Variants in CELF1 observed in about 807,000 individuals in gnomAD.
CELF1 encodes the protein 50 kDa nuclear polyadenylated RNA-binding protein.
CELF1 carries 10 observed loss-of-function variants against 61.8 expected under a neutral mutation model. The observed-to-expected ratio is 0.16, with a 90% CI of 0.10 to 0.27. CELF1 has a LOEUF of 0.27. CELF1 is among the 10% of genes least tolerant of loss of function. The probability of loss-of-function intolerance (pLI) is 1.00; values close to 1 mark genes in which losing one functional copy is unlikely to be tolerated. For missense variants in CELF1, 380 were observed against 639.1 expected, an observed-to-expected ratio of 0.59 and a Z score of 4.37; for synonymous variants, 236 against 225.1, an observed-to-expected ratio of 1.05 and a Z score of -0.43.
At chr11:47,542,496 AT>A (rs112443041) in intron 1 of CELF1, among the ~76,000 whole-genome samples, 8,230 of 121,788 alleles carry the variant, frequency 0.068, 378 homozygotes, top group African/African-American at 0.17. Flanking sequence ...TACTTTCTCC[AT>A]TTTTTTTTTT....
At chr11:47,474,818 T>TA (rs2079268279) in intron 13 of CELF1, among the ~76,000 whole-genome samples, 1 of 152,222 alleles carries the variant, frequency 6.6e-6, no homozygotes, top group South Asian at 2.1e-4. Context: ...ATTTTTCTCC[T>TA]AAATTGAATA....
chr11:47,500,818 T>G (rs2093803686), intron 2 of CELF1, 43 bp downstream of exon 2: 1 of 398,260 alleles, frequency 2.5e-6, no homozygotes, highest in Non-Finnish European at 4.4e-6. Flanking sequence ...GCTCCCAAAT[T>G]TCACAGGCTT....
chr11:47,492,709 G>A (rs967939399), intron 3 of CELF1, among the ~76,000 whole-genome samples: 3 of 151,900 alleles, frequency 2.0e-5, no homozygotes, highest in African/African-American at 7.3e-5. Flanking sequence ...TCCAGCCTGG[G>A]TGGCAGAGTG....
chr11:47,489,594 C>T (rs1454748203), intron 3 of CELF1, among the ~76,000 whole-genome samples: 1 of 152,102 alleles, frequency 6.6e-6, no homozygotes, highest in Non-Finnish European at 1.5e-5. Flanking sequence ...AGTTAGGTCT[C>T]CAGACCAAAA....
At chr11:47,477,493 A>C in intron 10 of CELF1, 68 bp from the exon 11 acceptor site, 1 of 1,546,680 alleles carries the variant, frequency 6.5e-7, no homozygotes, top group Non-Finnish European at 8.9e-7. Context: ...AGCAATGACA[A>C]GCACACACTG....
At position 47,484,374 on chromosome 11, in the gene CELF1, G is replaced by A. The variant is rs1178975326; in HGVS notation, c.526+15C>T. 1.2e-5 allele frequency: 19 copies of A among 1,597,444 alleles called. No homozygotes were observed. The highest frequency in any genetic ancestry group is 1.5e-5 in the Non-Finnish European group (18 of 1,175,278). Reference sequence around the variant, plus strand: ...CAAAAAACCAAAAGATTATTTAAAAGCTAAAACTACCTACCTCGGCTCAGG... The same window carrying A: ...CAAAAAACCAAAAGATTATTTAAAAACTAAAACTACCTACCTCGGCTCAGG... On this transcript the variant is annotated intron_variant, in intron 7 of 14. Transcript: ENST00000687097.
At chr11:47,490,905 G>A (rs1417272509) in intron 3 of CELF1, among the ~76,000 whole-genome samples, 5 of 145,114 alleles carry the variant, frequency 3.4e-5, no homozygotes, top group Admixed American at 6.9e-5. Context: ...TCTGTCGCCC[G>A]GGCTGGAGTG....
chr11:47,498,982 G>A (rs1263043482), intron 3 of CELF1, among the ~76,000 whole-genome samples: 2 of 152,150 alleles, frequency 1.3e-5, no homozygotes, highest in East Asian at 3.8e-4. Flanking sequence ...TGTTAATACA[G>A]AATGTTGTAG....
chr11:47,493,305 A>G (rs1302559340), intron 3 of CELF1, among the ~76,000 whole-genome samples: 2 of 149,914 alleles, frequency 1.3e-5, no homozygotes, highest in Non-Finnish European at 3.0e-5. Flanking sequence ...GTTTGAGACC[A>G]GCCTGAACAA....
chr11:47,478,135 A>G (rs1157729747), intron 10 of CELF1, among the ~76,000 whole-genome samples: 3 of 152,252 alleles, frequency 2.0e-5, no homozygotes, highest in Non-Finnish European at 4.4e-5. Flanking sequence ...AATACAGATT[A>G]CAATCTAGCA....
At chr11:47,486,178 C>T (rs1231753441) in intron 6 of CELF1, among the ~76,000 whole-genome samples, 4 of 145,528 alleles carry the variant, frequency 2.7e-5, no homozygotes, top group Admixed American at 1.4e-4. Context: ...AAAAAAAATT[C>T]GAGAATTAAG....
chr11:47,467,104 G>A lies in CELF1; in HGVS notation c.*5126C>T. On this transcript the variant is annotated 3_prime_UTR_variant, in exon 15 of 15. Transcript: ENST00000687097. ...TAGCGCTTCCACCTCCCCCTCCCCA[G>A]CCCCTAGCTACATCTCTCCACCCTT... 1 of 152,108 alleles carries A rather than the reference G, an allele frequency of 6.6e-6. No individual in the cohort carries two copies. The highest frequency in any genetic ancestry group is 1.5e-5 in the Non-Finnish European group (1 of 68,074). 9.4% of individuals were successfully genotyped at this position (152,108 alleles called of 1,614,324 possible).
rs2077581741 is a variant in CELF1 at position 47,471,023 on chromosome 11, T to C, written c.*1207A>G. The C allele has an allele frequency of 6.6e-6, 1 of 151,990 alleles. No homozygotes were observed. The highest frequency in any genetic ancestry group is 1.5e-5 in the Non-Finnish European group (1 of 68,012). The allele number at this position is 151,990 out of a possible 1,614,324, so 9.4% of individuals were successfully genotyped here. A position where few individuals can be genotyped will look rare whatever the true frequency, so the allele number is the denominator to read the frequency against. Reference sequence around the variant, plus strand: ...TCACCTCTGCCTCAAGAGCAGAAAATGTGACTGGAGTGGTTACAGGAGGGG... The same window carrying C: ...TCACCTCTGCCTCAAGAGCAGAAAACGTGACTGGAGTGGTTACAGGAGGGG... On this transcript the variant is annotated 3_prime_UTR_variant, in exon 15 of 15. Transcript: ENST00000687097.
chr11:47,565,354 TCA>T (rs1461125112), exon 1 of CELF1: 3 of 241,070 alleles, frequency 1.2e-5, no homozygotes, highest in Non-Finnish European at 2.4e-5. Context: ...GCTACAGGGC[TCA>T]CACGTGTCTG....
chr11:47,526,951 T>C (rs572334997), intron 1 of CELF1, among the ~76,000 whole-genome samples: 3 of 151,666 alleles, frequency 2.0e-5, no homozygotes, highest in Admixed American at 1.3e-4. Flanking sequence ...CTCAGGAGGC[T>C]GAGGCAGGAG....
intron 3 of CELF1, chr11:47,496,018 G>A: frequency 1.0e-6 from 1 of 985,164 alleles, no homozygotes; most frequent in Non-Finnish European, 1.2e-6. Context: ...CCTTATACAA[G>A]GTCCCTCTGG....
In CELF1 at chr11:47,482,727, C is replaced by A; in HGVS notation, c.736G>T (p.Gly246Cys). ...SAASVWGNLA[G>C]LNTLGPQYLA... Reference sequence around the variant, plus strand: ...TACTGGGGTCCAAGAGTATTTAGACCAGCAAGGTTTCCCCACACAGATGCT... The same window carrying A: ...TACTGGGGTCCAAGAGTATTTAGACAAGCAAGGTTTCCCCACACAGATGCT... The change falls in exon 9 of 15, where the codon GGT becomes TGT. Residue 246 changes from glycine to cysteine, a missense_variant. By Grantham distance (159) the Gly-to-Cys change is radical (BLOSUM62 -3). Coordinates refer to ENST00000687097, the MANE Select transcript of CELF1 (RefSeq NM_001376376.1). 6.2e-7 allele frequency: 1 copy of A among 1,614,050 alleles called. No homozygotes were observed. The highest frequency in any genetic ancestry group is 1.3e-5 in the African/African-American group (1 of 75,010).
intron 9 of CELF1, among the ~76,000 whole-genome samples, chr11:47,481,095 T>TC (rs1491170066): frequency 1.8e-5 from 2 of 110,622 alleles, no homozygotes; most frequent in Admixed American, 1.2e-4. Context: ...TTTTTTTTTT[T>TC]CTTCTTCTTT....
At position 47,472,056 on chromosome 11, in the gene CELF1, GAA is replaced by G. The variant is rs781014720; in HGVS notation, c.*172_*173del. ...CACAAACTTGTCCTCTGTACGAAGC[GAA>G]ACTCCCACAGAAGGCAGTAGCCGAG... On this transcript the variant is annotated 3_prime_UTR_variant, in exon 15 of 15. Coordinates refer to ENST00000687097, the MANE Select transcript of CELF1 (RefSeq NM_001376376.1). 1 of 713,930 alleles carries G rather than the reference GAA, an allele frequency of 1.4e-6. No homozygotes were observed. Among genetic ancestry groups the G allele is most frequent in the Non-Finnish European group, 2.3e-6 (1 of 430,984 alleles). 44.2% of individuals were successfully genotyped at this position (713,930 alleles called of 1,614,324 possible).
Sources: gnomAD v4.1 joint callset for allele counts (sites outside exome capture counted in the v4.1 genomes callset) on GRCh38, gnomAD v4.1.1 for gene constraint, MANE v1.5 for transcripts, NCBI Gene and HGNC (gene_info 2026-07-23, HGNC 2026-07-21) for gene names.